The following MTUS1 variants were observed in gnomAD, a reference collection of about 807,000 sequenced individuals.
The protein encoded by MTUS1 is microtubule-associated tumor suppressor 1.
MTUS1 carries 109 observed loss-of-function variants against 120.8 expected under a neutral mutation model. That is an observed-to-expected ratio of 0.90 (90% confidence interval 0.77 to 1.06). The LOEUF (loss-of-function observed/expected upper bound fraction) is 1.06. MTUS1 is among the 50% of genes least tolerant of loss of function. The probability of loss-of-function intolerance (pLI) is 0.00; values close to 1 mark genes in which losing one functional copy is unlikely to be tolerated. For missense variants in MTUS1, 2,210 were observed against 1,486.3 expected (o/e 1.49, Z -8.01); for synonymous variants, 737 against 550.5 (o/e 1.34, Z -4.74).
rs774017286 is a variant in MTUS1, at chr8:17,755,151, T to C, written c.657A>G (p.Arg219=). 7 of 1,614,186 alleles carry C rather than the reference T, an allele frequency of 4.3e-6. No homozygotes were observed. Among genetic ancestry groups the C allele is most frequent in the Non-Finnish European group, 5.9e-6 (7 of 1,180,040 alleles). ...AGCTTTCTCTATCATAAGTAGTTTCTCTTGCATGCGTCTTATCAGAATGGG... is the reference window on the plus strand; with the variant it reads ...AGCTTTCTCTATCATAAGTAGTTTCCCTTGCATGCGTCTTATCAGAATGGG... ...TSSHSDKTHA[R]ETTYDRESFE... The change falls in exon 2 of 15, where the codon AGA becomes AGG. Residue 219 remains arginine (R), a synonymous_variant. Transcript: ENST00000693296.
intron 14 of MTUS1, 138 bp downstream of exon 14, chr8:17,646,844 A>G (rs1271405439): frequency 3.1e-6 from 2 of 647,842 alleles, no homozygotes; most frequent in East Asian, 2.8e-5. Context: ...CATATTTTCC[A>G]CAGAGAAATC....
chr8:17,754,833 C>A lies in MTUS1; in HGVS notation c.975G>T (p.Gln325His), dbSNP rs986776755. Reference sequence around the variant, plus strand: ...CCATTTCCTTGTGCCTGTATGAGCTCTGTGAATGTGGTTCGCTATTGGATT... The same window carrying A: ...CCATTTCCTTGTGCCTGTATGAGCTATGTGAATGTGGTTCGCTATTGGATT... ...HDESNSEPHSQSSYRHKEMGQ... is the reference protein window; with the variant it reads ...HDESNSEPHSHSSYRHKEMGQ... The change falls in exon 2 of 15, where the codon CAG becomes CAT. Residue 325 changes from glutamine (Q) to histidine (H), a missense_variant. Gln to His is a conservative substitution (Grantham distance 24). Transcript: ENST00000693296. 4 of 1,614,218 alleles carry A rather than the reference C, an allele frequency of 2.5e-6. No homozygotes were observed. Among genetic ancestry groups the A allele is most frequent in the Middle Eastern group, 3.3e-4 (2 of 6,062 alleles).
rs1288685058 is a variant in MTUS1, at chr8:17,768,013, T to C, written c.-154-12052A>G. On this transcript the variant is annotated intron_variant, in intron 1 of 14. Transcript: ENST00000693296. ...CCAGACACGCTTAAAAGGCCACTGC[T>C]GTGTCCTCTGCCCTGAGCAGCAGAG... 2.0e-5 allele frequency among the ~76,000 whole-genome samples: 3 copies of C among 152,226 alleles called. No homozygotes were observed. In the East Asian group the frequency reaches 5.8e-4, roughly 29 times the overall value.
chr8:17,681,642 G>A (rs924099518), intron 7 of MTUS1: 1 of 154,730 alleles, frequency 6.5e-6, no homozygotes, highest in Non-Finnish European at 1.5e-5. Flanking sequence ...AATTACTTTT[G>A]CTCAAACCTA....
intron 1 of MTUS1, among the ~76,000 whole-genome samples, chr8:17,768,667 A>G (rs1318362282): frequency 3.3e-5 from 5 of 152,166 alleles, no homozygotes; most frequent in Admixed American, 6.5e-5. Flanking sequence ...TTTTATACAA[A>G]CAGTCAAAAA....
chr8:17,674,767 C>G (rs538882983), intron 8 of MTUS1: 12 of 1,004,288 alleles, frequency 1.2e-5, no homozygotes, highest in African/African-American at 1.7e-5. Flanking sequence ...CTTTCAACTT[C>G]ATACTCACTA....
At chr8:17,704,764 A>G (rs1218004438) in intron 6 of MTUS1, among the ~76,000 whole-genome samples, 3 of 152,068 alleles carry the variant, frequency 2.0e-5, no homozygotes, top group Non-Finnish European at 4.4e-5. Flanking sequence ...GTCATTCTAT[A>G]TGACTTTTGG....
At chr8:17,685,018 A>G (rs3021448) in intron 6 of MTUS1, among the ~76,000 whole-genome samples, 1 of 152,182 alleles carries the variant, frequency 6.6e-6, no homozygotes, top group Non-Finnish European at 1.5e-5. Context: ...ATGATGGCCT[A>G]GCCATTACAC....
intron 6 of MTUS1, among the ~76,000 whole-genome samples, chr8:17,690,554 A>G (rs1167285465): frequency 6.6e-6 from 1 of 152,222 alleles, no homozygotes; most frequent in Non-Finnish European, 1.5e-5. Flanking sequence ...AAGGAAAAGA[A>G]AAACACAGAC....
chr8:17,684,055 T>C (rs1815198548), intron 7 of MTUS1, among the ~76,000 whole-genome samples: 1 of 152,286 alleles, frequency 6.6e-6, no homozygotes, highest in East Asian at 1.9e-4. Flanking sequence ...TCTAGAGGCA[T>C]ACACCGGCGT....
chr8:17,752,939 T>C (rs2048309271), intron 2 of MTUS1, among the ~76,000 whole-genome samples: 1 of 152,158 alleles, frequency 6.6e-6, no homozygotes, highest in South Asian at 2.1e-4. Context: ...CACACTATTC[T>C]CAAAAACACA....
chr8:17,657,629 G>C (rs1247315104), intron 8 of MTUS1, among the ~76,000 whole-genome samples: 1 of 145,908 alleles, frequency 6.9e-6, no homozygotes, highest in African/African-American at 2.6e-5. Flanking sequence ...GACCAGCCTG[G>C]ACAACATAGG....
chr8:17,648,357 ATAG>A (rs1806271468), intron 13 of MTUS1, among the ~76,000 whole-genome samples: 1 of 152,216 alleles, frequency 6.6e-6, no homozygotes, highest in South Asian at 2.1e-4. Context: ...CAAGAAACAA[ATAG>A]TAGATCATCA....
chr8:17,767,304 G>C (rs2049596966), intron 1 of MTUS1, among the ~76,000 whole-genome samples: 1 of 151,468 alleles, frequency 6.6e-6, no homozygotes, highest in African/African-American at 2.4e-5. Context: ...TGTTGATGAT[G>C]ATGATAAGGA....
intron 2 of MTUS1, among the ~76,000 whole-genome samples, chr8:17,747,775 T>C (rs922923047): frequency 2.6e-5 from 4 of 152,096 alleles, no homozygotes; most frequent in Non-Finnish European, 4.4e-5. Context: ...AAGACGTACA[T>C]GAGACTGGGC....
intron 7 of MTUS1, among the ~76,000 whole-genome samples, chr8:17,682,008 C>G (rs1814626595): frequency 6.6e-6 from 1 of 152,130 alleles, no homozygotes; most frequent in Admixed American, 6.5e-5. Context: ...GTATTGTACA[C>G]TTACCACACA....
At chr8:17,730,385 T>C (rs1586012279) in intron 3 of MTUS1, among the ~76,000 whole-genome samples, 1 of 147,248 alleles carries the variant, frequency 6.8e-6, no homozygotes, top group Non-Finnish European at 1.5e-5. Context: ...CTTGGGAGGG[T>C]GAGGTAGGAG....
At chr8:17,694,141 G>A (rs1817501703) in intron 6 of MTUS1, among the ~76,000 whole-genome samples, 1 of 152,110 alleles carries the variant, frequency 6.6e-6, no homozygotes, top group African/African-American at 2.4e-5. Flanking sequence ...CTCCAGGGCT[G>A]GTCTCAAACT....
intron 8 of MTUS1, among the ~76,000 whole-genome samples, chr8:17,662,470 C>T (rs1254144320): frequency 6.6e-6 from 1 of 151,008 alleles, no homozygotes; most frequent in Non-Finnish European, 1.5e-5. Context: ...ATTCTCTTGC[C>T]ACAGCCTCCC....
Sources: gnomAD v4.1 joint callset for allele counts (sites outside exome capture counted in the v4.1 genomes callset) on GRCh38, gnomAD v4.1.1 for gene constraint, MANE v1.5 for transcripts, NCBI Gene and HGNC (gene_info 2026-07-23, HGNC 2026-07-21) for gene names.